PKP2: variants seen among roughly 807,000 people sequenced by gnomAD.
PKP2 encodes the protein plakophilin-2.
PKP2 carries 73 observed loss-of-function variants against 83.4 expected under a neutral mutation model. The observed-to-expected ratio is 0.88, with a 90% CI of 0.72 to 1.06. The LOEUF (loss-of-function observed/expected upper bound fraction) is 1.06, where lower values mean the gene tolerates loss of function less well. PKP2 is among the 50% of genes least tolerant of loss of function. The pLI, the probability that PKP2 is intolerant of heterozygous loss-of-function variation, is 0.00. For synonymous variants in PKP2, 409 were observed against 430.4 expected (o/e 0.95, Z 0.62); for missense variants, 966 against 1,065.4 (o/e 0.91, Z 1.30).
intron 7 of PKP2, among the ~76,000 whole-genome samples, 164 bp from the exon 8 acceptor site, chr12:32,822,795 G>A (rs1475507045): frequency 6.6e-6 from 1 of 152,174 alleles, no homozygotes; most frequent in African/African-American, 2.4e-5. Context: ...GGCTAGAAAA[G>A]CTAAGGTTTT....
intron 5 of PKP2, among the ~76,000 whole-genome samples, chr12:32,849,586 T>C (rs1196461899): frequency 6.6e-6 from 1 of 151,898 alleles, no homozygotes; most frequent in Non-Finnish European, 1.5e-5. Flanking sequence ...GCAGGGAGAG[T>C]GCTTATTCTG....
intron 5 of PKP2, among the ~76,000 whole-genome samples, chr12:32,845,933 T>C (rs989558640): frequency 1.3e-5 from 2 of 152,190 alleles, no homozygotes; most frequent in African/African-American, 4.8e-5. Context: ...CCAGGGTACC[T>C]TGTTACACAT....
At chr12:32,798,314 C>A (rs2137715883) in intron 10 of PKP2, among the ~76,000 whole-genome samples, 1 of 151,804 alleles carries the variant, frequency 6.6e-6, no homozygotes, top group African/African-American at 2.4e-5. Context: ...TGGTCTCGAA[C>A]TCCTGACCTC....
At chr12:32,794,608 T>C (rs917571998) in intron 11 of PKP2, among the ~76,000 whole-genome samples, 2 of 152,232 alleles carry the variant, frequency 1.3e-5, no homozygotes, top group African/African-American at 2.4e-5. Context: ...TGTGCAACAA[T>C]TGTTATGTCT....
chr12:32,812,344 GA>G (rs1421993300), intron 9 of PKP2, among the ~76,000 whole-genome samples: 3 of 152,026 alleles, frequency 2.0e-5, no homozygotes, highest in Non-Finnish European at 4.4e-5. Flanking sequence ...CGGTAACATG[GA>G]ATCTGTGTTC....
chr12:32,834,105 C>G (rs1956524653), intron 6 of PKP2, among the ~76,000 whole-genome samples: 1 of 152,152 alleles, frequency 6.6e-6, no homozygotes, highest in Non-Finnish European at 1.5e-5. Context: ...GAAAAAATTC[C>G]CAACTCCCAA....
At chr12:32,869,093 T>C (rs1233885955) in intron 3 of PKP2, 31 bp from the exon 4 acceptor site, 2 of 1,612,826 alleles carry the variant, frequency 1.2e-6, no homozygotes, top group Non-Finnish European at 1.7e-6. Context: ...TCAGCCAGAT[T>C]CCAAACCTCC....
rs1434494403 is a variant in PKP2, at chr12:32,792,355, G to A, written c.*69C>T. 39 of 1,112,868 alleles carry A rather than the reference G, an allele frequency of 3.5e-5. No individual in the cohort carries two copies. The highest frequency in any genetic ancestry group is 5.4e-5 in the Non-Finnish European group (39 of 723,140). 68.9% of individuals were successfully genotyped at this position (1,112,868 alleles called of 1,614,324 possible). A position where few individuals can be genotyped will look rare whatever the true frequency, so the allele number is the denominator to read the frequency against. On this transcript the variant is annotated 3_prime_UTR_variant, in exon 13 of 13. Transcript: ENST00000340811. ...AAGGCATGCTTTTGAGGTTTCTTGG[G>A]CTGGGTAGTAGAAAAATAGGTGTTT...
rs1349084353 is a variant in PKP2, at chr12:32,792,216, G to C, written c.*208C>G. 1 of 606,504 alleles carries C rather than the reference G, an allele frequency of 1.6e-6. No homozygotes were observed. The highest frequency in any genetic ancestry group is 1.9e-5 in the African/African-American group (1 of 53,906). 37.6% of individuals were successfully genotyped at this position (606,504 alleles called of 1,614,324 possible). On this transcript the variant is annotated 3_prime_UTR_variant, in exon 13 of 13. Transcript: ENST00000340811. ...ACAAAGACCACTATTTGTCGAGCCT[G>C]TGGCCGGTATCTACTGGTGGCAAAC...
At position 32,878,155 on chromosome 12, in the gene PKP2, G is replaced by A. The variant is rs201580443; in HGVS notation, c.725C>T (p.Thr242Met). 5.0e-5 allele frequency: 80 copies of A among 1,614,236 alleles called. 1 individual carries two copies. In the East Asian group the frequency reaches 1.1e-3, roughly 22 times the overall value. Residue 242 changes from threonine to methionine, a missense_variant, in exon 3 of 13, where the codon ACG becomes ATG. Physicochemically the swap from Thr to Met is moderately conservative, Grantham distance 81. Coordinates refer to ENST00000340811, the MANE Select transcript of PKP2 (RefSeq NM_001005242.3). The stretch of plus-strand genomic sequence containing the variant: ...GCGGCTGGTCCCTGGCCTGGGGTAC[G>A]TGAGCAGGGCCGGGTTGGCAGGGAT... ...DSIPANPALLTYPRPGTSRSM... is the reference protein window; with the variant it reads ...DSIPANPALLMYPRPGTSRSM...
intron 10 of PKP2, among the ~76,000 whole-genome samples, chr12:32,801,472 A>AT (rs1382197804): frequency 6.6e-6 from 1 of 152,238 alleles, no homozygotes; most frequent in Non-Finnish European, 1.5e-5. Context: ...TAGAATGAGC[A>AT]TGAAGCCATT....
chr12:32,810,568 A>G (rs749495457), intron 9 of PKP2, among the ~76,000 whole-genome samples: 2 of 152,172 alleles, frequency 1.3e-5, no homozygotes, highest in Non-Finnish European at 2.9e-5. Flanking sequence ...CTAGCATGCT[A>G]TTTAAGAAAA....
rs1196680964 is a variant in PKP2, at chr12:32,851,804, A to T, written c.1171-831T>A. The stretch of plus-strand genomic sequence containing the variant: ...ATTCTTATAACCAATTGCATGGAGT[A>T]TTTTAAAAGACTTATAAAACTTATG... On this transcript the variant is annotated intron_variant, in intron 4 of 12. Transcript: ENST00000340811. Among the ~76,000 whole-genome samples, 20 of 152,350 alleles carry T rather than the reference A, an allele frequency of 1.3e-4. 1 individual carries two copies. In the East Asian group the frequency reaches 3.9e-3, roughly 29 times the overall value.
intron 1 of PKP2, among the ~76,000 whole-genome samples, chr12:32,895,947 G>T (rs937953076): frequency 6.6e-6 from 1 of 152,186 alleles, no homozygotes; most frequent in Admixed American, 6.5e-5. Context: ...TCACTCCCTA[G>T]ATCCACCACT....
At chr12:32,875,848 T>C (rs988299699) in intron 3 of PKP2, among the ~76,000 whole-genome samples, 1 of 152,188 alleles carries the variant, frequency 6.6e-6, no homozygotes, top group African/African-American at 2.4e-5. Flanking sequence ...TAGGATATAC[T>C]GAGTGTGAAA....
chr12:32,831,976 G>T (rs188429946), intron 6 of PKP2, among the ~76,000 whole-genome samples: 194 of 152,264 alleles, frequency 1.3e-3, no homozygotes, highest in African/African-American at 4.5e-3. Flanking sequence ...ACTGTTGAGA[G>T]ATTTCAAAAT....
chr12:32,887,992 C>A (rs1957044837), intron 1 of PKP2, among the ~76,000 whole-genome samples: 1 of 151,732 alleles, frequency 6.6e-6, no homozygotes, highest in South Asian at 2.1e-4. Context: ...CCAGCCTGGG[C>A]AAAAAGGCAA....
rs3748278 is a variant in PKP2 at position 32,850,821 on chromosome 12, C to A, written c.1323G>T (p.Arg441=). 153 of 1,613,456 alleles carry A rather than the reference C, an allele frequency of 9.5e-5. 3 individuals carry two copies. The East Asian group carries it at 3.3e-3, about 35-fold the overall frequency. The change falls in exon 5 of 13, where the codon CGG becomes CGT. Residue 441 remains arginine (R), a synonymous_variant. Coordinates refer to ENST00000340811, the MANE Select transcript of PKP2 (RefSeq NM_001005242.3). The part of the protein sequence containing the change: ...LEVAELNGVP[R]LLQVLKQTRD... The stretch of plus-strand genomic sequence containing the variant: ...TGGTTTGCTTCAGCACCTGGAGCAG[C>A]CGAGGTACCCCATTTAGTTCAGCCA...
rs540355595 is a variant in PKP2 at position 32,850,689 on chromosome 12, T to C, written c.1378+77A>G. 8.8e-4 allele frequency: 994 copies of C among 1,131,486 alleles called. 1 individual carries two copies. Among genetic ancestry groups the C allele is most frequent in the Non-Finnish European group, 1.1e-3 (833 of 750,606 alleles). 70.1% of individuals were successfully genotyped at this position (1,131,486 alleles called of 1,614,324 possible). A position where few individuals can be genotyped will look rare whatever the true frequency, so the allele number is the denominator to read the frequency against. On this transcript the variant is annotated intron_variant, in intron 5 of 12. Coordinates refer to ENST00000340811, the MANE Select transcript of PKP2 (RefSeq NM_001005242.3). ...CCATCAATCATTTGCTCCAGGAAAC[T>C]TAAGAAAAAGAGATGATGTAAGGCA...
Sources: allele counts gnomAD v4.1 joint callset (sites outside exome capture counted in the v4.1 genomes callset), GRCh38; gene constraint gnomAD v4.1.1; transcripts MANE v1.5; gene names NCBI Gene and HGNC (gene_info 2026-07-23, HGNC 2026-07-21).